The following ARHGAP15 variants were observed in gnomAD, a reference collection of about 807,000 sequenced individuals.
The protein encoded by ARHGAP15 is rho GTPase-activating protein 15.
In ARHGAP15, 51 loss-of-function variants were observed where a neutral mutation model predicts 63.7. The observed-to-expected ratio is 0.80, with a 90% CI of 0.64 to 1.01. ARHGAP15 has a LOEUF of 1.01. ARHGAP15 is among the 50% of genes least tolerant of loss of function. ARHGAP15 has a pLI of 0.00. For synonymous variants in ARHGAP15, 191 were observed against 193.8 expected, an observed-to-expected ratio of 0.99 and a Z score of 0.12; for missense variants, 560 against 564.6, an observed-to-expected ratio of 0.99 and a Z score of 0.08.
intron 2 of ARHGAP15, among the ~76,000 whole-genome samples, chr2:143,200,007 A>G (rs1182173443): frequency 6.6e-6 from 1 of 152,136 alleles, no homozygotes; most frequent in African/African-American, 2.4e-5. Context: ...AGAACTTGGT[A>G]CCTGGGAAAA....
rs193073955 is a variant in ARHGAP15 at position 143,733,439 on chromosome 2, C to T, written c.1244+29915C>T. On this transcript the variant is annotated intron_variant, in intron 13 of 13. Transcript: ENST00000295095. ...CTGAGCCCATTTTGGAGAGTGAAGG[C>T]CCTTCAAAAGTAAAATAATCTGTGT... Among the ~76,000 whole-genome samples, 204 of 152,220 alleles carry T rather than the reference C, an allele frequency of 1.3e-3. 3 individuals are homozygous for T. The South Asian group carries it at 0.036, about 27-fold the overall frequency.
intron 6 of ARHGAP15, 80 bp downstream of exon 6, chr2:143,250,680 T>C: frequency 8.7e-7 from 1 of 1,146,092 alleles, no homozygotes; most frequent in East Asian, 2.5e-5. Flanking sequence ...TAAGACTACC[T>C]TCTTGTGATG....
chr2:143,569,945 TAGAA>T (rs1696384774), intron 11 of ARHGAP15, among the ~76,000 whole-genome samples: 1 of 152,192 alleles, frequency 6.6e-6, no homozygotes, highest in Non-Finnish European at 1.5e-5. Context: ...GCCCAGGAGT[TAGAA>T]AGCCTAGGTC....
intron 6 of ARHGAP15, among the ~76,000 whole-genome samples, chr2:143,380,044 A>T (rs1223924581): frequency 6.6e-6 from 1 of 152,086 alleles, no homozygotes; most frequent in East Asian, 1.9e-4. Flanking sequence ...GGATAAAAAG[A>T]AATACATCAG....
chr2:143,175,748 G>C (rs569844161), intron 2 of ARHGAP15, among the ~76,000 whole-genome samples: 2 of 151,966 alleles, frequency 1.3e-5, no homozygotes, highest in East Asian at 3.9e-4. Flanking sequence ...TTTTGGGGGA[G>C]GCCTCTCTAA....
At chr2:143,703,385 T>A (rs1289876226) in intron 12 of ARHGAP15, 34 bp from the exon 13 acceptor site, 8 of 1,575,434 alleles carry the variant, frequency 5.1e-6, no homozygotes, top group Non-Finnish European at 6.9e-6. Context: ...AATCTTGTTT[T>A]TTCCCTAACC....
intron 11 of ARHGAP15, among the ~76,000 whole-genome samples, chr2:143,616,701 C>T (rs539938583): frequency 7.2e-5 from 11 of 152,276 alleles, no homozygotes; most frequent in South Asian, 2.1e-4. Flanking sequence ...ATCTATTCTA[C>T]GCACAGGTCT....
intron 6 of ARHGAP15, among the ~76,000 whole-genome samples, chr2:143,335,616 TA>T (rs1684737871): frequency 1.3e-5 from 2 of 152,180 alleles, no homozygotes; most frequent in South Asian, 4.1e-4. Flanking sequence ...AGTATATACT[TA>T]TGCCAAGCAA....
chr2:143,680,743 T>G (rs1020081291), intron 12 of ARHGAP15, among the ~76,000 whole-genome samples: 4 of 152,206 alleles, frequency 2.6e-5, no homozygotes, highest in African/African-American at 7.2e-5. Context: ...CTTAAAATGA[T>G]AAGCCTGCAT....
At chr2:143,324,419 T>C (rs548481525) in intron 6 of ARHGAP15, among the ~76,000 whole-genome samples, 1 of 152,294 alleles carries the variant, frequency 6.6e-6, no homozygotes, top group East Asian at 1.9e-4. Flanking sequence ...GTCTGTTTGG[T>C]GGGCTGCCAC....
At chr2:143,521,137 C>T (rs1694048444) in intron 10 of ARHGAP15, among the ~76,000 whole-genome samples, 1 of 152,182 alleles carries the variant, frequency 6.6e-6, no homozygotes, top group Non-Finnish European at 1.5e-5. Flanking sequence ...CAGCACTAAA[C>T]AGGCGCTAAT....
chr2:143,158,377 C>G (rs1232995677), intron 2 of ARHGAP15, among the ~76,000 whole-genome samples: 1 of 151,840 alleles, frequency 6.6e-6, no homozygotes, highest in Admixed American at 6.6e-5. Context: ...CAACCCTCAG[C>G]TATGCAAACG....
chr2:143,762,138 T>G (rs1316596691), intron 13 of ARHGAP15, among the ~76,000 whole-genome samples: 1 of 152,152 alleles, frequency 6.6e-6, no homozygotes, highest in Admixed American at 6.6e-5. Context: ...GAGCTCTTCA[T>G]GTTGCTTAGA....
intron 6 of ARHGAP15, among the ~76,000 whole-genome samples, chr2:143,325,840 G>A (rs1405811841): frequency 2.6e-5 from 4 of 152,106 alleles, no homozygotes; most frequent in African/African-American, 9.7e-5. Flanking sequence ...TTCAATGAAA[G>A]TTTATTACAT....
chr2:143,355,863 A>G (rs1351871046), intron 6 of ARHGAP15, among the ~76,000 whole-genome samples: 1 of 152,200 alleles, frequency 6.6e-6, no homozygotes, highest in Non-Finnish European at 1.5e-5. Flanking sequence ...AGGATGAAGA[A>G]GAGATACAAA....
At chr2:143,758,159 T>A (rs1412804967) in intron 13 of ARHGAP15, among the ~76,000 whole-genome samples, 4 of 151,990 alleles carry the variant, frequency 2.6e-5, no homozygotes, top group Non-Finnish European at 5.9e-5. Context: ...TTATATGTAC[T>A]GACTTGGAAA....
At position 143,392,232 on chromosome 2, in the gene ARHGAP15, T is replaced by C. The variant is rs566918383; in HGVS notation, c.475-43369T>C. Among the ~76,000 whole-genome samples the C allele has an allele frequency of 2.8e-3, 420 of 152,308 alleles. 1 individual carries two copies. Among genetic ancestry groups the C allele is most frequent in the African/African-American group, 9.5e-3 (397 of 41,582 alleles). ...TTATTCTCTGCAATGGCATGGATTTTTATGAAGCTGCCATTTTCCAATAAT... is the reference window on the plus strand; with the variant it reads ...TTATTCTCTGCAATGGCATGGATTTCTATGAAGCTGCCATTTTCCAATAAT... On this transcript the variant is annotated intron_variant, in intron 6 of 13. Transcript: ENST00000295095.
At chr2:143,613,697 A>G (rs1698344315) in intron 11 of ARHGAP15, among the ~76,000 whole-genome samples, 1 of 152,176 alleles carries the variant, frequency 6.6e-6, no homozygotes, top group South Asian at 2.1e-4. Flanking sequence ...TCAGTTTTCT[A>G]GACTTCTTTC....
chr2:143,672,687 C>G (rs74942677), intron 12 of ARHGAP15, among the ~76,000 whole-genome samples: 29,112 of 152,108 alleles, frequency 0.19, 3,035 homozygotes, highest in Non-Finnish European at 0.24. Context: ...TGCCTTGGAA[C>G]CTTGTCACAC....
Sources: gnomAD v4.1 joint callset for allele counts (sites outside exome capture counted in the v4.1 genomes callset) on GRCh38, gnomAD v4.1.1 for gene constraint, MANE v1.5 for transcripts, NCBI Gene and HGNC (gene_info 2026-07-23, HGNC 2026-07-21) for gene names.